DSC2: variants seen among roughly 807,000 people sequenced by gnomAD.
DSC2 encodes the protein desmocollin-2.
In DSC2, 51 loss-of-function variants were observed where a neutral mutation model predicts 87.6. The observed-to-expected ratio is 0.58, with a 90% confidence interval of 0.46 to 0.74. The LOEUF (loss-of-function observed/expected upper bound fraction) is 0.74, where lower values mean the gene tolerates loss of function less well. DSC2 is among the 30% of genes least tolerant of loss of function. The probability of loss-of-function intolerance (pLI) is 0.00; values close to 1 mark genes in which losing one functional copy is unlikely to be tolerated. For synonymous variants in DSC2, 383 were observed against 393.2 expected, an observed-to-expected ratio of 0.97 and a Z score of 0.31; for missense variants, 1,066 against 1,089.5, an observed-to-expected ratio of 0.98 and a Z score of 0.30.
rs1986565951 is a variant in DSC2, at chr18:31,064,460, A to C, written c.*3555T>G. On this transcript the variant is annotated 3_prime_UTR_variant, in exon 16 of 16. Coordinates refer to ENST00000280904, the MANE Select transcript of DSC2 (RefSeq NM_024422.6). Reference sequence around the variant, plus strand: ...AATGAAATTGTGTCTACAATTCTCAAAAGTTTGGCAGTTTTTGGCAAAAAA... The same window carrying C: ...AATGAAATTGTGTCTACAATTCTCACAAGTTTGGCAGTTTTTGGCAAAAAA... The C allele has an allele frequency of 6.6e-6, 1 of 152,224 alleles. No individual in the cohort carries two copies. Among genetic ancestry groups the C allele is most frequent in the Non-Finnish European group, 1.5e-5 (1 of 68,050 alleles). 9.4% of individuals were successfully genotyped at this position (152,224 alleles called of 1,614,324 possible). A position where few individuals can be genotyped will look rare whatever the true frequency, so the allele number is the denominator to read the frequency against.
At chr18:31,077,209 G>A (rs746307296) in intron 11 of DSC2, among the ~76,000 whole-genome samples, 3 of 152,186 alleles carry the variant, frequency 2.0e-5, no homozygotes, top group Non-Finnish European at 2.9e-5. Context: ...AAAGGAAGCA[G>A]GTGGATAATA....
intron 8 of DSC2, 37 bp downstream of exon 8, chr18:31,082,889 T>C (rs1051343243): frequency 2.5e-6 from 4 of 1,606,490 alleles, no homozygotes; most frequent in Non-Finnish European, 3.4e-6. Context: ...TTAAAACTGG[T>C]CTATACATTT....
intron 1 of DSC2, 23 bp downstream of exon 1, chr18:31,101,880 G>A: frequency 1.3e-6 from 2 of 1,530,338 alleles, no homozygotes; most frequent in Non-Finnish European, 1.7e-6. Context: ...CTTCCCCGGA[G>A]CGGTGGCCGC....
intron 11 of DSC2, among the ~76,000 whole-genome samples, chr18:31,078,867 A>G (rs1031278621): frequency 6.6e-6 from 1 of 152,174 alleles, no homozygotes; most frequent in Non-Finnish European, 1.5e-5. Flanking sequence ...ATTATATTTT[A>G]TGCACCAAAC....
rs771356255 is a variant in DSC2, at chr18:31,086,663, A to G, written c.855T>C (p.Ile285=). ...GGGTGGGTGATGGTGGCACCTGCCC[A>G]ATGATGGAGTACTTCAGGCGTGTGT... ...TMHTRLKYSI[I]GQVPPSPTLF... Residue 285 remains isoleucine (I), a synonymous_variant, in exon 7 of 16, where the codon ATT becomes ATC. Coordinates refer to ENST00000280904, the MANE Select transcript of DSC2 (RefSeq NM_024422.6). 3 of 1,614,154 alleles carry G rather than the reference A, an allele frequency of 1.9e-6. No homozygotes were observed. Among genetic ancestry groups the G allele is most frequent in the East Asian group, 2.2e-5 (1 of 44,874 alleles).
At position 31,074,884 on chromosome 18, in the gene DSC2, G is replaced by A. The variant is rs1300270368; in HGVS notation, c.1687C>T (p.Leu563=). Residue 563 remains leucine, a synonymous_variant, in exon 12 of 16, where the codon CTG becomes TTG. Transcript: ENST00000280904. ...TTCACGTCTTGAAGTATAATGCCCA[G>A]TGTCCCCGTACATGTTCTCCCTCCT... ...DQGGRTCTGT[L]GIILQDVNDN... is the part of the protein sequence containing the mutation. 2 of 1,613,800 alleles carry A rather than the reference G, an allele frequency of 1.2e-6. No individual in the cohort carries two copies. The highest frequency in any genetic ancestry group is 2.2e-5 in the East Asian group (1 of 44,814).
At chr18:31,075,148 G>A (rs1223258291) in intron 11 of DSC2, among the ~76,000 whole-genome samples, 1 of 152,122 alleles carries the variant, frequency 6.6e-6, no homozygotes, top group Non-Finnish European at 1.5e-5. Flanking sequence ...ATTATTAGAG[G>A]CAAGTTTTGG....
chr18:31,085,451 ATTAAT>A (rs1179269528), intron 7 of DSC2, among the ~76,000 whole-genome samples: 1 of 151,386 alleles, frequency 6.6e-6, no homozygotes, highest in East Asian at 1.9e-4. Flanking sequence ...TTAACATGTA[ATTAAT>A]TTATTATTTT....
intron 4 of DSC2, among the ~76,000 whole-genome samples, chr18:31,089,997 G>T (rs1987537910): frequency 6.6e-6 from 1 of 152,060 alleles, no homozygotes; most frequent in East Asian, 1.9e-4. Flanking sequence ...AAAGTGTACT[G>T]TCTGCAGGGC....
At chr18:31,100,750 T>A (rs1385104437) in intron 1 of DSC2, among the ~76,000 whole-genome samples, 1 of 152,158 alleles carries the variant, frequency 6.6e-6, no homozygotes, top group South Asian at 2.1e-4. Context: ...GCCTTCCGGG[T>A]TCCTCCCTTT....
chr18:31,068,307 G>A lies in DSC2; in HGVS notation c.2509-95C>T, dbSNP rs781646028. On this transcript the variant is annotated intron_variant, in intron 15 of 15. Transcript: ENST00000280904. ...TAATTGCTTTGATTTACCTTTCATT[G>A]TTTAATTTTTAATCAGAGTGTGTCC... 10 of 1,613,336 alleles carry A rather than the reference G, an allele frequency of 6.2e-6. No homozygotes were observed. Among genetic ancestry groups the A allele is most frequent in the Non-Finnish European group, 5.9e-6 (7 of 1,179,568 alleles).
chr18:31,069,108 G>A lies in DSC2; in HGVS notation c.2294C>T (p.Ala765Val), dbSNP rs771628564. ...TCCCACGGTGCCACAAACTCCCTGA[G>A]CAGAAGCGCCCACAGTTTGGGTTGT... ...GFTTQTVGASAQGVCGTVGSG... is the reference protein window; with the variant it reads ...GFTTQTVGASVQGVCGTVGSG... The change falls in exon 15 of 16, where the codon GCT becomes GTT. Residue 765 changes from alanine (A) to valine (V), a missense_variant. Coordinates refer to ENST00000280904, the MANE Select transcript of DSC2 (RefSeq NM_024422.6). 2 of 1,614,126 alleles carry A rather than the reference G, an allele frequency of 1.2e-6. No individual in the cohort carries two copies. The highest frequency in any genetic ancestry group is 1.7e-6 in the Non-Finnish European group (2 of 1,179,990).
Position 31,074,553 on chromosome 18 carries a change from A to G in DSC2, c.1888+130T>C, listed in dbSNP as rs577467326. The G allele has an allele frequency of 2.2e-3, 1,928 of 871,112 alleles. 9 individuals carry two copies. Among genetic ancestry groups the G allele is most frequent in the Non-Finnish European group, 3.1e-3 (1,711 of 553,350 alleles). 54.0% of individuals were successfully genotyped at this position (871,112 alleles called of 1,614,324 possible). On this transcript the variant is annotated intron_variant, in intron 12 of 15. Transcript: ENST00000280904. Reference sequence around the variant, plus strand: ...CACACTAGAGAGACCTACTCCCAACACACAAAAACTGAGAAACTTTCATTG... The same window carrying G: ...CACACTAGAGAGACCTACTCCCAACGCACAAAAACTGAGAAACTTTCATTG...
intron 5 of DSC2, among the ~76,000 whole-genome samples, chr18:31,088,342 T>G (rs1299047474): frequency 6.6e-6 from 1 of 152,174 alleles, no homozygotes; most frequent in Non-Finnish European, 1.5e-5. Flanking sequence ...GAATCAGAAA[T>G]GAAACAAATG....
Position 31,067,718 on chromosome 18 carries a change from G to A in DSC2, c.*297C>T. On this transcript the variant is annotated 3_prime_UTR_variant, in exon 16 of 16. Coordinates refer to ENST00000280904, the MANE Select transcript of DSC2 (RefSeq NM_024422.6). ...GGACTTGAATTAATTACATTTTATTGCACTATAAATTGGCTGTTGTCATTA... is the reference window on the plus strand; with the variant it reads ...GGACTTGAATTAATTACATTTTATTACACTATAAATTGGCTGTTGTCATTA... 3.0e-6 allele frequency: 1 copy of A among 329,544 alleles called. No individual in the cohort carries two copies. The highest frequency in any genetic ancestry group is 5.7e-6 in the Non-Finnish European group (1 of 176,234). The allele number at this position is 329,544 out of a possible 1,614,324, so 20.4% of individuals were successfully genotyped here. A position where few individuals can be genotyped will look rare whatever the true frequency, so the allele number is the denominator to read the frequency against.
At chr18:31,094,820 G>A (rs1987712965) in intron 1 of DSC2, among the ~76,000 whole-genome samples, 1 of 152,224 alleles carries the variant, frequency 6.6e-6, no homozygotes, top group African/African-American at 2.4e-5. Context: ...GAAATTAAAT[G>A]ATATGAAGAA....
At position 31,067,703 on chromosome 18, in the gene DSC2, T is replaced by G. The variant is rs565449915; in HGVS notation, c.*312A>C. ...AATAGTCTATAATAAGGACTTGAAT[T>G]AATTACATTTTATTGCACTATAAAT... On this transcript the variant is annotated 3_prime_UTR_variant, in exon 16 of 16. Coordinates refer to ENST00000280904, the MANE Select transcript of DSC2 (RefSeq NM_024422.6). 15 of 312,820 alleles carry G rather than the reference T, an allele frequency of 4.8e-5. No homozygotes were observed. Among genetic ancestry groups the G allele is most frequent in the African/African-American group, 3.3e-4 (15 of 45,660 alleles). The allele number at this position is 312,820 out of a possible 1,614,324, so 19.4% of individuals were successfully genotyped here. A position where few individuals can be genotyped will look rare whatever the true frequency, so the allele number is the denominator to read the frequency against.
chr18:31,099,407 T>C (rs1987862725), intron 1 of DSC2, among the ~76,000 whole-genome samples: 1 of 152,150 alleles, frequency 6.6e-6, no homozygotes, highest in African/African-American at 2.4e-5. Context: ...TTATGGAAAC[T>C]GAAAGTTCTA....
Position 31,067,709 on chromosome 18 carries a change from C to T in DSC2, c.*306G>A, listed in dbSNP as rs767784235. ...CTATAATAAGGACTTGAATTAATTA[C>T]ATTTTATTGCACTATAAATTGGCTG... On this transcript the variant is annotated 3_prime_UTR_variant, in exon 16 of 16. Transcript: ENST00000280904. 4.8e-5 allele frequency: 15 copies of T among 313,254 alleles called. No individual in the cohort carries two copies. The highest frequency in any genetic ancestry group is 7.2e-5 in the Non-Finnish European group (12 of 166,136). The allele number at this position is 313,254 out of a possible 1,614,324, so 19.4% of individuals were successfully genotyped here. A position where few individuals can be genotyped will look rare whatever the true frequency, so the allele number is the denominator to read the frequency against.
Sources: allele counts gnomAD v4.1 joint callset (sites outside exome capture counted in the v4.1 genomes callset), GRCh38; gene constraint gnomAD v4.1.1; transcripts MANE v1.5; gene names NCBI Gene and HGNC (gene_info 2026-07-23, HGNC 2026-07-21).